The following CSMD1 variants were observed in gnomAD, a reference collection of about 807,000 sequenced individuals.
The protein encoded by CSMD1 is CUB and sushi domain-containing protein 1.
Under a neutral mutation model 417.5 loss-of-function variants are expected in CSMD1, and 213 were observed. The ratio of observed to expected loss-of-function variants is 0.51; its 90% CI spans 0.46 to 0.57. The LOEUF (loss-of-function observed/expected upper bound fraction) is 0.57, where lower values mean the gene tolerates loss of function less well. CSMD1 is among the 20% of genes least tolerant of loss of function. The pLI is 0.00. For missense variants in CSMD1, 6,923 were observed against 4,529.7 expected, an observed-to-expected ratio of 1.53 and a Z score of -15.17; for synonymous variants, 2,862 against 1,736.8, an observed-to-expected ratio of 1.65 and a Z score of -16.11.
rs533263923 is a variant in CSMD1, at chr8:3,796,045, A to C, written c.819-42003T>G. Among the ~76,000 whole-genome samples, 4 of 56,004 alleles carry C rather than the reference A, an allele frequency of 7.1e-5. 1 individual carries two copies. Among genetic ancestry groups the C allele is most frequent in the Admixed American group, 2.1e-4 (1 of 4,778 alleles). 36.7% of individuals were successfully genotyped at this position (56,004 alleles called of 152,430 possible). A position where few individuals can be genotyped will look rare whatever the true frequency, so the allele number is the denominator to read the frequency against. On this transcript the variant is annotated intron_variant, in intron 5 of 69. Coordinates refer to ENST00000635120, the MANE Select transcript of CSMD1 (RefSeq NM_033225.6). Reference sequence around the variant, plus strand: ...CATGTATAGATATAGATATATATCTATCATAGATATAGATATATATCTATC... The same window carrying C: ...CATGTATAGATATAGATATATATCTCTCATAGATATAGATATATATCTATC...
intron 2 of CSMD1, among the ~76,000 whole-genome samples, chr8:4,622,057 A>G (rs776806566): frequency 2.0e-5 from 3 of 152,096 alleles, no homozygotes; most frequent in Non-Finnish European, 2.9e-5. Context: ...TGAAAAATCT[A>G]CAAGCAACAT....
chr8:3,630,171 G>T (rs1215635148), intron 7 of CSMD1, among the ~76,000 whole-genome samples: 1 of 152,352 alleles, frequency 6.6e-6, no homozygotes, highest in African/African-American at 2.4e-5. Flanking sequence ...CTGAATGCCT[G>T]GTACAGGCAG....
At chr8:3,992,431 G>A (rs955516425) in intron 5 of CSMD1, among the ~76,000 whole-genome samples, 8 of 152,098 alleles carry the variant, frequency 5.3e-5, no homozygotes, top group Non-Finnish European at 1.2e-4. Flanking sequence ...AAAAATAAGT[G>A]TTGAGGTGCA....
At chr8:4,437,091 G>GA (rs1407019725) in intron 2 of CSMD1, among the ~76,000 whole-genome samples, 1 of 151,938 alleles carries the variant, frequency 6.6e-6, no homozygotes, top group Non-Finnish European at 1.5e-5. Context: ...ACAAATTTCC[G>GA]AAAAAATGAA....
chr8:4,470,971 CTT>C (rs1800496498), intron 2 of CSMD1, among the ~76,000 whole-genome samples: 3 of 152,204 alleles, frequency 2.0e-5, no homozygotes, highest in South Asian at 2.1e-4. Flanking sequence ...AATTCAGTGT[CTT>C]TTAAATATAT....
At chr8:4,274,421 C>T (rs77733379) in intron 3 of CSMD1, among the ~76,000 whole-genome samples, 241 of 152,194 alleles carry the variant, frequency 1.6e-3, no homozygotes, top group African/African-American at 5.6e-3. Context: ...GTCTCTGGTG[C>T]CCAAGAGTTG....
intron 5 of CSMD1, among the ~76,000 whole-genome samples, chr8:3,853,869 T>TACTTTA (rs1423768378): frequency 3.6e-5 from 5 of 138,612 alleles, no homozygotes; most frequent in African/African-American, 1.3e-4. Context: ...TAATATATTA[T>TACTTTA]ACTTTAATAT....
At chr8:3,877,221 A>T (rs1805883529) in intron 5 of CSMD1, among the ~76,000 whole-genome samples, 1 of 152,034 alleles carries the variant, frequency 6.6e-6, no homozygotes, top group Non-Finnish European at 1.5e-5. Context: ...AGCACCCCAC[A>T]CTGCTTGCTT....
At chr8:4,803,791 TG>T (rs1430212090) in intron 1 of CSMD1, among the ~76,000 whole-genome samples, 3 of 152,238 alleles carry the variant, frequency 2.0e-5, no homozygotes, top group Non-Finnish European at 4.4e-5. Context: ...TCCTTCTCTT[TG>T]TTGGTGCTCT....
In CSMD1 at chr8:3,754,082, C is replaced by T. The variant is rs369304401; in HGVS notation, c.819-40G>A. The T allele has an allele frequency of 8.1e-5, 110 of 1,366,406 alleles. No homozygotes were observed. In the Middle Eastern group the frequency reaches 8.9e-4, roughly 11 times the overall value. The allele number at this position is 1,366,406 out of a possible 1,614,324, so 84.6% of individuals were successfully genotyped here. On this transcript the variant is annotated intron_variant, in intron 5 of 69. Coordinates refer to ENST00000635120, the MANE Select transcript of CSMD1 (RefSeq NM_033225.6). ...GAGGAAAAAAATCTCCCTTGTAAAC[C>T]AACAGAGCAAATGTCCTATATCAAA...
At chr8:4,814,333 C>T (rs1396515877) in intron 1 of CSMD1, among the ~76,000 whole-genome samples, 2 of 152,132 alleles carry the variant, frequency 1.3e-5, no homozygotes, top group Non-Finnish European at 2.9e-5. Flanking sequence ...GCAACCTCTG[C>T]CTCACAGGTT....
intron 3 of CSMD1, among the ~76,000 whole-genome samples, chr8:4,270,551 G>A (rs1804521386): frequency 6.6e-6 from 1 of 152,072 alleles, no homozygotes; most frequent in Admixed American, 6.6e-5. Flanking sequence ...AGTACAGCTT[G>A]AACCCCATTA....
chr8:4,217,060 T>A (rs538671504), intron 3 of CSMD1, among the ~76,000 whole-genome samples: 11 of 152,336 alleles, frequency 7.2e-5, no homozygotes, highest in African/African-American at 2.6e-4. Context: ...AATCAGGTAG[T>A]GTCCTGTGTC....
At chr8:3,546,611 G>T (rs1798675497) in intron 10 of CSMD1, among the ~76,000 whole-genome samples, 1 of 151,666 alleles carries the variant, frequency 6.6e-6, no homozygotes, top group Admixed American at 6.6e-5. Flanking sequence ...CAAAAGTTTT[G>T]AATAATACTG....
chr8:4,707,159 A>C (rs1030604114), intron 1 of CSMD1, among the ~76,000 whole-genome samples: 7 of 152,302 alleles, frequency 4.6e-5, no homozygotes, highest in Admixed American at 2.6e-4. Flanking sequence ...AAAATAATAA[A>C]ATAATAACTT....
intron 3 of CSMD1, among the ~76,000 whole-genome samples, chr8:4,124,378 T>C (rs1802648006): frequency 6.7e-6 from 1 of 149,250 alleles, no homozygotes; most frequent in Non-Finnish European, 1.5e-5. Context: ...TTCTTCTCCA[T>C]ATCAAAAAGG....
intron 3 of CSMD1, among the ~76,000 whole-genome samples, chr8:4,200,303 C>G (rs1231581091): frequency 2.0e-5 from 3 of 152,040 alleles, no homozygotes; most frequent in Non-Finnish European, 4.4e-5. Flanking sequence ...GTTAATTATG[C>G]TTAGAGTGTC....
chr8:4,985,374 T>TAAAAG (rs1811123073), intron 1 of CSMD1, among the ~76,000 whole-genome samples: 3 of 103,708 alleles, frequency 2.9e-5, no homozygotes, highest in African/African-American at 1.2e-4. Context: ...ACTTAAAAGT[T>TAAAAG]TTTTTTAAAA....
intron 1 of CSMD1, among the ~76,000 whole-genome samples, chr8:4,712,811 G>A (rs1347056960): frequency 6.6e-6 from 1 of 152,100 alleles, no homozygotes; most frequent in Non-Finnish European, 1.5e-5. Context: ...GCACATACAT[G>A]ACTGTACTAT....
Sources: gnomAD v4.1 joint callset for allele counts (sites outside exome capture counted in the v4.1 genomes callset) on GRCh38, gnomAD v4.1.1 for gene constraint, MANE v1.5 for transcripts, NCBI Gene and HGNC (gene_info 2026-07-23, HGNC 2026-07-21) for gene names.